Variants in SLC26A5 observed in about 807,000 individuals in gnomAD.
SLC26A5 encodes the protein prestin.
SLC26A5 carries 51 observed loss-of-function variants against 81.0 expected under a neutral mutation model. That is an observed-to-expected ratio of 0.63 (90% CI 0.50 to 0.80). The LOEUF (loss-of-function observed/expected upper bound fraction) is 0.80, where lower values mean the gene tolerates loss of function less well. SLC26A5 is among the 30% of genes least tolerant of loss of function. The pLI, the probability that SLC26A5 is intolerant of heterozygous loss-of-function variation, is 0.00. For synonymous variants in SLC26A5, 325 were observed against 332.8 expected (o/e 0.98, Z 0.25); for missense variants, 771 against 905.8 (o/e 0.85, Z 1.91).
chr7:103,421,569 T>A lies in SLC26A5; in HGVS notation c.-53-2A>T. 1 of 1,583,982 alleles carries A rather than the reference T, an allele frequency of 6.3e-7. No homozygotes were observed. Among genetic ancestry groups the A allele is most frequent in the South Asian group, 1.1e-5 (1 of 90,580 alleles). ...GAGACAAGCATTTCCTGAGTGTCAC[T>A]AGGGGAAAAAAGAAAAACTCCATTT... On this transcript the variant is annotated splice_acceptor_variant, in intron 2 of 19. Coordinates refer to ENST00000306312, the MANE Select transcript of SLC26A5 (RefSeq NM_198999.3). LOFTEE classifies it low-confidence loss of function (5UTR_SPLICE).
intron 2 of SLC26A5, among the ~76,000 whole-genome samples, chr7:103,440,501 T>G (rs1249135068): frequency 6.6e-6 from 1 of 152,224 alleles, no homozygotes; most frequent in African/African-American, 2.4e-5. Flanking sequence ...TAAGTTTCCA[T>G]TAGAGTTGAA....
At chr7:103,392,525 T>C (rs1822744394) in intron 10 of SLC26A5, among the ~76,000 whole-genome samples, 1 of 152,034 alleles carries the variant, frequency 6.6e-6, no homozygotes, top group Admixed American at 6.5e-5. Context: ...GTACAAAAAG[T>C]TTTTCTACCA....
chr7:103,353,453 T>C lies in SLC26A5; in HGVS notation c.2042-527A>G, dbSNP rs562155250. ...TCCTGAGTAGCTGGGACTACAGACATGCGCCACCATGCCAGGCCAATTTTT... is the reference window on the plus strand; with the variant it reads ...TCCTGAGTAGCTGGGACTACAGACACGCGCCACCATGCCAGGCCAATTTTT... On this transcript the variant is annotated intron_variant, in intron 19 of 19. Coordinates refer to the SLC26A5 transcript ENST00000339444. Among the ~76,000 whole-genome samples the C allele has an allele frequency of 3.6e-3, 551 of 152,208 alleles. 2 individuals are homozygous for C. The highest frequency in any genetic ancestry group is 0.013 in the African/African-American group (524 of 41,540).
At chr7:103,354,789 T>C (rs898254085) in intron 19 of SLC26A5, 1 of 928,236 alleles carries the variant, frequency 1.1e-6, no homozygotes, top group African/African-American at 1.7e-5. Context: ...AAATTGTAAC[T>C]TAAAAATAAT....
chr7:103,378,672 C>G, intron 16 of SLC26A5, 119 bp from the exon 17 acceptor site: 1 of 839,740 alleles, frequency 1.2e-6, no homozygotes, highest in Non-Finnish European at 2.0e-6. Context: ...TCACCCCAAC[C>G]CTTGCACTGC....
At chr7:103,430,891 C>T (rs1198299553) in intron 2 of SLC26A5, among the ~76,000 whole-genome samples, 1 of 152,202 alleles carries the variant, frequency 6.6e-6, no homozygotes, top group Non-Finnish European at 1.5e-5. Flanking sequence ...TTGTCCTATA[C>T]AGAGCTACTG....
intron 5 of SLC26A5, among the ~76,000 whole-genome samples, chr7:103,412,351 G>A (rs968950821): frequency 2.0e-5 from 3 of 152,068 alleles, no homozygotes; most frequent in African/African-American, 2.4e-5. Context: ...CATGCATAGC[G>A]ATTAGGAACT....
intron 14 of SLC26A5, among the ~76,000 whole-genome samples, chr7:103,385,450 T>C (rs558917623): frequency 5.3e-5 from 8 of 152,202 alleles, no homozygotes; most frequent in African/African-American, 1.9e-4. Flanking sequence ...ATGCCTGCTC[T>C]GAGGGAAAAT....
intron 19 of SLC26A5, among the ~76,000 whole-genome samples, chr7:103,357,087 A>T (rs750694787): frequency 6.6e-5 from 10 of 152,124 alleles, no homozygotes; most frequent in Non-Finnish European, 1.3e-4. Flanking sequence ...GCACTTTGGG[A>T]GGCCCAGGCA....
intron 2 of SLC26A5, among the ~76,000 whole-genome samples, chr7:103,431,785 T>C (rs772936255): frequency 1.3e-5 from 2 of 152,218 alleles, no homozygotes; most frequent in Non-Finnish European, 2.9e-5. Flanking sequence ...TAAATGCTAG[T>C]AGCATTCTCC....
chr7:103,422,889 T>C (rs1825456181), intron 2 of SLC26A5, among the ~76,000 whole-genome samples: 1 of 152,086 alleles, frequency 6.6e-6, no homozygotes, highest in African/African-American at 2.4e-5. Context: ...ACTGTGGAAT[T>C]GTGAGGGCTA....
chr7:103,373,668 G>A (rs1246150135), downstream of SLC26A5, among the ~76,000 whole-genome samples: 1 of 152,152 alleles, frequency 6.6e-6, no homozygotes, highest in East Asian at 1.9e-4. Flanking sequence ...GGGACAATTG[G>A]GGAAATTTAA....
intron 15 of SLC26A5, 110 bp from the exon 16 acceptor site, chr7:103,379,445 CT>C: frequency 3.0e-6 from 2 of 662,980 alleles, no homozygotes; most frequent in South Asian, 1.6e-5. Context: ...CTAAGGTCCC[CT>C]TTTCAGGGCT....
rs924416108 is a variant in SLC26A5 at position 103,392,866 on chromosome 7, A to C, written c.1119+53T>G. ...TGCTGGGATTACAGGCGTGAGCCAG[A>C]CATTGGTGATTGTACTGCTATGAAA... On this transcript the variant is annotated intron_variant, in intron 10 of 19. Coordinates refer to ENST00000306312, the MANE Select transcript of SLC26A5 (RefSeq NM_198999.3). 9 of 1,609,034 alleles carry C rather than the reference A, an allele frequency of 5.6e-6. No individual in the cohort carries two copies. The African/African-American group carries it at 1.2e-4, about 22-fold the overall frequency.
intron 19 of SLC26A5, among the ~76,000 whole-genome samples, chr7:103,356,259 A>C (rs1820027130): frequency 5.3e-5 from 8 of 152,112 alleles, no homozygotes; most frequent in Admixed American, 5.2e-4. Flanking sequence ...CAAAAATTGC[A>C]TAATGTGTAG....
intron 19 of SLC26A5, chr7:103,353,772 G>T: frequency 1.5e-6 from 1 of 686,534 alleles, no homozygotes; most frequent in South Asian, 1.8e-5. Context: ...GGAACTATTT[G>T]ATTGAATATG....
In SLC26A5 at chr7:103,410,529, C is replaced by G; in HGVS notation, c.591G>C (p.Arg197Ser). 6.2e-7 allele frequency: 1 copy of G among 1,613,700 alleles called. No individual in the cohort carries two copies. The highest frequency in any genetic ancestry group is 8.5e-7 in the Non-Finnish European group (1 of 1,179,826). ...GIIQFCLGVC[R>S]FGFVAIYLTE... ...TGAGATATATGGCCACAAATCCAAA[C>G]CTACAGACACCTAGGCAAAACTATT... is the stretch of plus-strand genomic sequence containing the variant. Residue 197 changes from arginine (R) to serine (S), a missense_variant, in exon 7 of 20, where the codon AGG (arginine) becomes AGC (serine). By Grantham distance (110) the Arg-to-Ser change is moderately radical (BLOSUM62 -1). Transcript: ENST00000306312.
At chr7:103,402,467 TTG>T (rs1823679987) in intron 8 of SLC26A5, among the ~76,000 whole-genome samples, 1 of 151,368 alleles carries the variant, frequency 6.6e-6, no homozygotes, top group Non-Finnish European at 1.5e-5. Flanking sequence ...TAGTGTGATC[TTG>T]GCTCACTGCA....
At chr7:103,375,778 C>T (rs1417591140) in intron 19 of SLC26A5, among the ~76,000 whole-genome samples, 5 of 149,818 alleles carry the variant, frequency 3.3e-5, no homozygotes, top group African/African-American at 7.4e-5. Flanking sequence ...TTTTTTGAGA[C>T]GGAGTCTTAC....
Sources: gnomAD v4.1 joint callset for allele counts (sites outside exome capture counted in the v4.1 genomes callset) on GRCh38, gnomAD v4.1.1 for gene constraint, MANE v1.5 for transcripts, NCBI Gene and HGNC (gene_info 2026-07-23, HGNC 2026-07-21) for gene names.